SGPP2: variants seen among roughly 807,000 people sequenced by gnomAD.
The protein encoded by SGPP2 is sphingosine-1-phosphate phosphatase 2.
In SGPP2, 30 loss-of-function variants were observed where a neutral mutation model predicts 33.9. The observed-to-expected ratio is 0.89, with a 90% CI of 0.66 to 1.20. The LOEUF (loss-of-function observed/expected upper bound fraction) is 1.20, where lower values mean the gene tolerates loss of function less well. Ranked by LOEUF, SGPP2 falls within the 50% of genes most tolerant of loss-of-function variation. The probability of loss-of-function intolerance (pLI) is 0.00; values close to 1 mark genes in which losing one functional copy is unlikely to be tolerated. For synonymous variants in SGPP2, 233 were observed against 225.0 expected, an observed-to-expected ratio of 1.04 and a Z score of -0.32; for missense variants, 458 against 532.1, an observed-to-expected ratio of 0.86 and a Z score of 1.37.
At chr2:222,467,435 G>A (rs570922772) in intron 1 of SGPP2, among the ~76,000 whole-genome samples, 1 of 152,294 alleles carries the variant, frequency 6.6e-6, no homozygotes, top group South Asian at 2.1e-4. Flanking sequence ...GTCTCTGTGT[G>A]CTATGTACTC....
At position 222,460,543 on chromosome 2, in the gene SGPP2, AC is replaced by A. The variant is rs1350492472; in HGVS notation, c.220-14024del. Among the ~76,000 whole-genome samples, 2 of 152,256 alleles carry A rather than the reference AC, an allele frequency of 1.3e-5. No homozygotes were observed. Among genetic ancestry groups the A allele is most frequent in the African/African-American group, 4.8e-5 (2 of 41,478 alleles). ...AATGTGAATCCACTGGTGACCGTTT[AC>A]AGCAGCACATCTCTGATCATGGCAC... On this transcript the variant is annotated intron_variant, in intron 1 of 4. Coordinates refer to ENST00000321276, the MANE Select transcript of SGPP2 (RefSeq NM_152386.4). The surrounding 1 kb of genome is among the most constrained non-coding windows in gnomAD (Gnocchi z 4.3).
rs1415432564 is a variant in SGPP2 at position 222,561,058 on chromosome 2, T to C, written c.*2160T>C. ...GAGCGGAGCTTGCAGTGAGCCGAGA[T>C]TGCGCCACTGCACTCCAGCCTGGGC... On this transcript the variant is annotated 3_prime_UTR_variant, in exon 5 of 5. Coordinates refer to ENST00000321276, the MANE Select transcript of SGPP2 (RefSeq NM_152386.4). 1 of 151,630 alleles carries C rather than the reference T, an allele frequency of 6.6e-6. No homozygotes were observed. The highest frequency in any genetic ancestry group is 1.9e-4 in the East Asian group (1 of 5,172). 9.4% of individuals were successfully genotyped at this position (151,630 alleles called of 1,614,324 possible). A position where few individuals can be genotyped will look rare whatever the true frequency, so the allele number is the denominator to read the frequency against.
chr2:222,461,574 C>T (rs1697660883), intron 1 of SGPP2, among the ~76,000 whole-genome samples: 1 of 151,642 alleles, frequency 6.6e-6, no homozygotes, highest in African/African-American at 2.4e-5. Flanking sequence ...TCAGTGGGAG[C>T]CCTAAGCTTG....
At chr2:222,452,801 G>A in intron 1 of SGPP2, 1 of 1,579,498 alleles carries the variant, frequency 6.3e-7, no homozygotes, top group Admixed American at 1.7e-5. Flanking sequence ...TAGGTGCTGA[G>A]GCCTGAGTCA....
intron 4 of SGPP2, among the ~76,000 whole-genome samples, chr2:222,538,860 A>C (rs1698952389): frequency 6.6e-6 from 1 of 152,136 alleles, no homozygotes; most frequent in Non-Finnish European, 1.5e-5. Flanking sequence ...CCATTCATGA[A>C]GGATCCGCCC....
chr2:222,431,073 T>C (rs982478384), intron 1 of SGPP2, among the ~76,000 whole-genome samples: 11 of 152,090 alleles, frequency 7.2e-5, no homozygotes, highest in African/African-American at 2.2e-4. Context: ...AAATGTATCA[T>C]ACCAACATAA....
intron 3 of SGPP2, 146 bp downstream of exon 3, chr2:222,522,092 G>T: frequency 1.5e-6 from 1 of 657,192 alleles, no homozygotes; most frequent in Non-Finnish European, 2.4e-6. Context: ...TTAAACAGAT[G>T]ACAATTGCAT....
chr2:222,424,967 G>T (rs1470192865), intron 1 of SGPP2, 146 bp downstream of exon 1: 3 of 645,686 alleles, frequency 4.6e-6, no homozygotes, highest in Non-Finnish European at 6.7e-6. Context: ...GAGCGGACGG[G>T]GAGGCCTGGC....
At chr2:222,495,154 C>T (rs1165110631) in intron 2 of SGPP2, among the ~76,000 whole-genome samples, 1 of 152,184 alleles carries the variant, frequency 6.6e-6, no homozygotes, top group Non-Finnish European at 1.5e-5. Flanking sequence ...TGGCTCATGC[C>T]TGTAATCCCA....
intron 2 of SGPP2, among the ~76,000 whole-genome samples, chr2:222,503,126 ACTGTATGTTCCT>A (rs1698391800): frequency 6.6e-6 from 1 of 152,126 alleles, no homozygotes; most frequent in Non-Finnish European, 1.5e-5. Flanking sequence ...AAATACTGAA[ACTGTATGTTCCT>A]GACAAAAAGA....
intron 1 of SGPP2, among the ~76,000 whole-genome samples, chr2:222,443,284 C>T (rs913650703): frequency 6.6e-6 from 1 of 151,922 alleles, no homozygotes; most frequent in East Asian, 1.9e-4. Flanking sequence ...GGGTGTATTG[C>T]GTGATGCTGA....
At chr2:222,452,345 G>C in intron 1 of SGPP2, 1 of 689,426 alleles carries the variant, frequency 1.5e-6, no homozygotes, top group Non-Finnish European at 2.7e-6. Flanking sequence ...GAGGGGAGAG[G>C]AAGGATTCAG....
rs537239156 is a variant in SGPP2, at chr2:222,542,973, T to G, written c.649-15374T>G. On this transcript the variant is annotated intron_variant, in intron 4 of 4. Coordinates refer to ENST00000321276, the MANE Select transcript of SGPP2 (RefSeq NM_152386.4). The stretch of plus-strand genomic sequence containing the variant: ...CCCAGCTAATTTGTATTATTACTCA[T>G]AGAGATGAGGTCTCGCTATGTCACC... 6.6e-5 allele frequency among the ~76,000 whole-genome samples: 10 copies of G among 152,272 alleles called. No homozygotes were observed. The South Asian group carries it at 2.1e-3, about 32-fold the overall frequency.
intron 4 of SGPP2, among the ~76,000 whole-genome samples, chr2:222,543,696 T>C (rs1218587741): frequency 6.6e-6 from 1 of 152,250 alleles, no homozygotes; most frequent in Non-Finnish European, 1.5e-5. Context: ...CTCAGTACTC[T>C]TCCCATTAGT....
chr2:222,445,150 T>C (rs1209016850), intron 1 of SGPP2, among the ~76,000 whole-genome samples: 3 of 152,202 alleles, frequency 2.0e-5, no homozygotes, highest in Admixed American at 6.5e-5. Context: ...AACTAATTGC[T>C]GCTGCTGCTG....
chr2:222,437,185 C>G (rs1195066044), intron 1 of SGPP2, among the ~76,000 whole-genome samples: 3 of 152,226 alleles, frequency 2.0e-5, no homozygotes, highest in African/African-American at 7.2e-5. Context: ...ACCTCTTCCC[C>G]AAATGTCTTT....
chr2:222,440,088 A>T (rs1261350806), intron 1 of SGPP2, among the ~76,000 whole-genome samples: 1 of 152,182 alleles, frequency 6.6e-6, no homozygotes, highest in Non-Finnish European at 1.5e-5. Context: ...TTTTTCTCGC[A>T]ACTTTTACTA....
intron 2 of SGPP2, among the ~76,000 whole-genome samples, chr2:222,519,659 TC>T (rs1698654101): frequency 6.6e-6 from 1 of 152,224 alleles, no homozygotes; most frequent in African/African-American, 2.4e-5. Flanking sequence ...CAATAGTTTT[TC>T]AACCTACTCC....
rs900050817 is a variant in SGPP2 at position 222,508,194 on chromosome 2, C to T, written c.379-13573C>T. On this transcript the variant is annotated intron_variant, in intron 2 of 4. Transcript: ENST00000321276. ...ACACTCAGCGTCCTCTATTGAGCTC[C>T]GGATGGATCTAAAGAATTAAGATAA... Among the ~76,000 whole-genome samples, 5 of 152,076 alleles carry T rather than the reference C, an allele frequency of 3.3e-5. No homozygotes were observed. In the East Asian group the frequency reaches 5.8e-4, roughly 18 times the overall value.
Sources: gnomAD v4.1 joint callset for allele counts (sites outside exome capture counted in the v4.1 genomes callset) on GRCh38, gnomAD v4.1.1 for gene constraint, Gnocchi (gnomAD v3.1) non-coding constraint, MANE v1.5 for transcripts, NCBI Gene and HGNC (gene_info 2026-07-23, HGNC 2026-07-21) for gene names.